OCA2: variants seen among roughly 807,000 people sequenced by gnomAD.
OCA2 encodes the protein OCA2 melanosomal transmembrane protein.
In OCA2, 77 loss-of-function variants were observed where a neutral mutation model predicts 100.2. The ratio of observed to expected loss-of-function variants is 0.77; its 90% confidence interval spans 0.64 to 0.93. OCA2 has a LOEUF of 0.93. Among genes scored for constraint, OCA2 ranks in the 40% least tolerant of loss-of-function variants. The pLI is 0.00. For missense variants in OCA2, 1,062 were observed against 1,089.1 expected (o/e 0.98, Z 0.35); for synonymous variants, 432 against 439.2 (o/e 0.98, Z 0.21).
At chr15:27,968,986 CAAA>C (rs61334149) in intron 14 of OCA2, among the ~76,000 whole-genome samples, 28 of 98,058 alleles carry the variant, frequency 2.9e-4, no homozygotes, top group East Asian at 1.7e-3. Flanking sequence ...AACTCAGAGG[CAAA>C]AAAAAAAAAA....
chr15:27,901,031 T>C (rs2037907429), intron 19 of OCA2, among the ~76,000 whole-genome samples: 1 of 152,216 alleles, frequency 6.6e-6, no homozygotes, highest in Non-Finnish European at 1.5e-5. Flanking sequence ...TTATGGTATT[T>C]TGTTGCTTCT....
At chr15:27,933,802 A>G (rs1242121695) in intron 18 of OCA2, among the ~76,000 whole-genome samples, 1 of 152,208 alleles carries the variant, frequency 6.6e-6, no homozygotes, top group Non-Finnish European at 1.5e-5. Context: ...ATCAATTAAG[A>G]CAAGAGCTGG....
chr15:27,962,964 T>C (rs1230718004), intron 15 of OCA2, among the ~76,000 whole-genome samples: 1 of 152,108 alleles, frequency 6.6e-6, no homozygotes, highest in African/African-American at 2.4e-5. Flanking sequence ...ACACTAACAC[T>C]AGTCAAGAGA....
chr15:27,898,381 C>T (rs183672874), intron 19 of OCA2, among the ~76,000 whole-genome samples: 40 of 152,278 alleles, frequency 2.6e-4, no homozygotes, highest in African/African-American at 7.7e-4. Context: ...GACTCTCCTG[C>T]ACTGTTCTCG....
At chr15:27,984,402 C>T (rs1229720340) in intron 13 of OCA2, among the ~76,000 whole-genome samples, 2 of 152,184 alleles carry the variant, frequency 1.3e-5, no homozygotes, top group African/African-American at 2.4e-5. Context: ...GCATCCCCTA[C>T]ACCTGCTCAT....
chr15:27,926,402 G>T, intron 18 of OCA2, 148 bp from the exon 19 acceptor site: 1 of 877,070 alleles, frequency 1.1e-6, no homozygotes, highest in Non-Finnish European at 1.8e-6. Context: ...TTTCTATTTG[G>T]TTATGTGTAT....
chr15:27,973,271 A>G (rs771201241), intron 14 of OCA2, among the ~76,000 whole-genome samples: 16 of 152,070 alleles, frequency 1.1e-4, no homozygotes, highest in Admixed American at 7.9e-4. Context: ...TCAGTGTCCA[A>G]AGGAGTTTTT....
At position 27,997,865 on chromosome 15, in the gene OCA2, T is replaced by A. The variant is rs1417418205; in HGVS notation, c.1045-7218A>T. On this transcript the variant is annotated intron_variant, in intron 9 of 23. Coordinates refer to ENST00000354638, the MANE Select transcript of OCA2 (RefSeq NM_000275.3). ...CTCTTTTATTTCATTGAGCAGTGAT[T>A]TGTAGTTCTCCTTGAAGAGGTCCTT... Among the ~76,000 whole-genome samples the A allele has an allele frequency of 3.8e-5, 5 of 131,964 alleles. 1 individual carries two copies. The highest frequency in any genetic ancestry group is 8.8e-5 in the Non-Finnish European group (5 of 56,798). 86.6% of individuals were successfully genotyped at this position (131,964 alleles called of 152,430 possible).
intron 18 of OCA2, among the ~76,000 whole-genome samples, chr15:27,948,148 G>A (rs955697259): frequency 6.6e-6 from 1 of 152,130 alleles, no homozygotes. Context: ...GAGGACAGAC[G>A]AGGAAAGAAA....
intron 18 of OCA2, among the ~76,000 whole-genome samples, chr15:27,926,490 T>C (rs1424895037): frequency 6.6e-6 from 1 of 152,232 alleles, no homozygotes; most frequent in Non-Finnish European, 1.5e-5. Context: ...TATGTTCTTG[T>C]ACCTCCTCTA....
intron 9 of OCA2, among the ~76,000 whole-genome samples, chr15:28,000,463 A>C (rs754776256): frequency 6.6e-6 from 1 of 152,226 alleles, no homozygotes; most frequent in African/African-American, 2.4e-5. Flanking sequence ...AAATTGACTT[A>C]AAATTGATTA....
intron 19 of OCA2, among the ~76,000 whole-genome samples, chr15:27,912,210 C>T (rs2140265411): frequency 6.6e-6 from 1 of 152,262 alleles, no homozygotes; most frequent in Non-Finnish European, 1.5e-5. Flanking sequence ...TATACAAACA[C>T]ATATGCCCAA....
In OCA2 at chr15:28,034,916, A is replaced by G. The variant is rs8031127; in HGVS notation, c.228-2753T>C. Among the ~76,000 whole-genome samples the G allele has an allele frequency of 9.8e-3, 1,488 of 152,340 alleles. 23 individuals are homozygous for G. The highest frequency in any genetic ancestry group is 0.034 in the African/African-American group (1,406 of 41,586). ...TAAATCAATAATGTTTATAGACTCA[A>G]TATCAACCCTCTGACGAGAGGGTCA... On this transcript the variant is annotated intron_variant, in intron 2 of 23. Coordinates refer to ENST00000354638, the MANE Select transcript of OCA2 (RefSeq NM_000275.3).
intron 19 of OCA2, among the ~76,000 whole-genome samples, chr15:27,908,015 C>A (rs1162349366): frequency 6.6e-6 from 1 of 151,420 alleles, no homozygotes; most frequent in Admixed American, 6.6e-5. Flanking sequence ...CTTTATGAAG[C>A]AAGTGTGACA....
the OCA2 span, among the ~76,000 whole-genome samples, chr15:27,740,151 C>T: frequency 1.3e-5 from 2 of 152,174 alleles, no homozygotes; most frequent in Admixed American, 6.5e-5. Flanking sequence ...ACTTACAGCA[C>T]AGTGTGCTGT....
chr15:27,871,002 AG>A, intron 21 of OCA2, 151 bp downstream of exon 21: 1 of 700,832 alleles, frequency 1.4e-6, no homozygotes, highest in East Asian at 2.7e-5. Flanking sequence ...CTCCCCACCC[AG>A]CTGCCCTGGG....
chr15:27,994,843 G>A (rs1319237397), intron 9 of OCA2, among the ~76,000 whole-genome samples: 1 of 152,158 alleles, frequency 6.6e-6, no homozygotes, highest in Non-Finnish European at 1.5e-5. Flanking sequence ...TAGTCACACA[G>A]GTTTACAGCT....
chr15:28,045,977 G>A (rs937560794), intron 2 of OCA2, among the ~76,000 whole-genome samples: 7 of 152,186 alleles, frequency 4.6e-5, no homozygotes, highest in African/African-American at 9.6e-5. Flanking sequence ...CACCAGGGCA[G>A]CTGCTCAGTG....
intron 9 of OCA2, among the ~76,000 whole-genome samples, chr15:28,002,301 G>A (rs2041952190): frequency 6.6e-6 from 1 of 152,192 alleles, no homozygotes; most frequent in Non-Finnish European, 1.5e-5. Context: ...GCTAAGAGGT[G>A]TGTGGCAGAT....
Sources: allele counts gnomAD v4.1 joint callset (sites outside exome capture counted in the v4.1 genomes callset), GRCh38; gene constraint gnomAD v4.1.1; transcripts MANE v1.5; gene names NCBI Gene and HGNC (gene_info 2026-07-23, HGNC 2026-07-21).